Variants in ADGRB3 observed in about 807,000 individuals in gnomAD.
The protein encoded by ADGRB3 is brain-specific angiogenesis inhibitor 3.
Under a neutral mutation model 193.4 loss-of-function variants are expected in ADGRB3, and 37 were observed. The observed-to-expected ratio is 0.19, with a 90% CI of 0.15 to 0.25. ADGRB3 has a LOEUF of 0.25. ADGRB3 is among the 10% of genes least tolerant of loss of function. The probability of loss-of-function intolerance (pLI) is 1.00; values close to 1 mark genes in which losing one functional copy is unlikely to be tolerated. For missense variants in ADGRB3, 1,637 were observed against 1,852.9 expected (o/e 0.88, Z 2.14); for synonymous variants, 690 against 644.2 (o/e 1.07, Z -1.08).
At chr6:69,275,353 G>T (rs1767279984) in intron 20 of ADGRB3, among the ~76,000 whole-genome samples, 1 of 151,474 alleles carries the variant, frequency 6.6e-6, no homozygotes, top group African/African-American at 2.4e-5. Flanking sequence ...AAGATTATTT[G>T]CATTAAAAAA....
intron 10 of ADGRB3, among the ~76,000 whole-genome samples, chr6:68,983,035 TGA>T (rs1469862494): frequency 6.6e-6 from 1 of 152,150 alleles, no homozygotes; most frequent in Non-Finnish European, 1.5e-5. Context: ...GTAATTTATG[TGA>T]GTTTTTCTAG....
chr6:69,298,447 A>G (rs1767876795), intron 20 of ADGRB3, among the ~76,000 whole-genome samples: 2 of 152,086 alleles, frequency 1.3e-5, no homozygotes, highest in African/African-American at 2.4e-5. Flanking sequence ...ATTGTTAACT[A>G]TAATCACTCT....
At chr6:68,765,213 A>C (rs146075351) in intron 3 of ADGRB3, among the ~76,000 whole-genome samples, 3,382 of 152,210 alleles carry the variant, frequency 0.022, 63 homozygotes, top group South Asian at 0.075. Context: ...ATAATGTTGA[A>C]TAGCAAAATC....
chr6:69,065,764 T>TACACACACACACACACAC (rs3043304), intron 16 of ADGRB3, among the ~76,000 whole-genome samples: 8 of 129,204 alleles, frequency 6.2e-5, no homozygotes, highest in South Asian at 4.9e-4. Context: ...TGTATATATA[T>TACACACACACACACACAC]ACACACACAC....
At chr6:68,832,272 C>T (rs1371413299) in intron 3 of ADGRB3, among the ~76,000 whole-genome samples, 1 of 152,048 alleles carries the variant, frequency 6.6e-6, no homozygotes, top group Non-Finnish European at 1.5e-5. Context: ...AATAAATGTG[C>T]TTCTATAAAC....
At chr6:68,649,892 G>A (rs1310104207) in intron 3 of ADGRB3, among the ~76,000 whole-genome samples, 1 of 152,096 alleles carries the variant, frequency 6.6e-6, no homozygotes, top group African/African-American at 2.4e-5. Context: ...TTGATGCTCT[G>A]GTGACCACGC....
chr6:68,827,163 A>G (rs1582234047), intron 3 of ADGRB3, among the ~76,000 whole-genome samples: 1 of 152,268 alleles, frequency 6.6e-6, no homozygotes, highest in East Asian at 1.9e-4. Flanking sequence ...GAAAGCCAGA[A>G]AGGCAGATTG....
intron 3 of ADGRB3, among the ~76,000 whole-genome samples, chr6:68,650,626 G>A (rs1768340239): frequency 6.6e-6 from 1 of 152,028 alleles, no homozygotes; most frequent in Non-Finnish European, 1.5e-5. Context: ...GTTTCATTTT[G>A]CCTGTTGATC....
At chr6:68,717,837 A>T (rs1379353163) in intron 3 of ADGRB3, among the ~76,000 whole-genome samples, 1 of 151,710 alleles carries the variant, frequency 6.6e-6, no homozygotes, top group East Asian at 1.9e-4. Flanking sequence ...TGTGAGGGCA[A>T]GGATGTGAGT....
intron 17 of ADGRB3, among the ~76,000 whole-genome samples, chr6:69,163,172 C>A (rs1468215415): frequency 6.6e-6 from 1 of 151,982 alleles, no homozygotes; most frequent in Non-Finnish European, 1.5e-5. Flanking sequence ...GCAGAGATGC[C>A]CTAACCACTA....
At chr6:68,692,615 A>C (rs1765094104) in intron 3 of ADGRB3, among the ~76,000 whole-genome samples, 1 of 151,838 alleles carries the variant, frequency 6.6e-6, no homozygotes, top group African/African-American at 2.4e-5. Flanking sequence ...TGAAATACAC[A>C]TTTACTAGCA....
intron 17 of ADGRB3, among the ~76,000 whole-genome samples, chr6:69,143,205 G>A (rs912510321): frequency 1.3e-5 from 2 of 151,938 alleles, no homozygotes; most frequent in Admixed American, 1.3e-4. Context: ...CTATTTAGGT[G>A]TTTTGCTCAT....
chr6:69,083,248 A>G (rs775102236), intron 17 of ADGRB3, among the ~76,000 whole-genome samples: 1 of 152,262 alleles, frequency 6.6e-6, no homozygotes, highest in Admixed American at 6.5e-5. Flanking sequence ...TATAATCCTT[A>G]TATTTTCCGC....
intron 17 of ADGRB3, among the ~76,000 whole-genome samples, chr6:69,078,867 T>C (rs1171970602): frequency 6.6e-6 from 1 of 152,130 alleles, no homozygotes; most frequent in African/African-American, 2.4e-5. Flanking sequence ...ATCACTGCAC[T>C]GTTGGTGCCT....
intron 11 of ADGRB3, among the ~76,000 whole-genome samples, chr6:69,011,838 T>A (rs1461932707): frequency 6.6e-6 from 1 of 152,040 alleles, no homozygotes; most frequent in Non-Finnish European, 1.5e-5. Flanking sequence ...CTTAGCTCAC[T>A]GTGCCCCTAC....
At chr6:69,192,760 A>C (rs1167262179) in intron 17 of ADGRB3, among the ~76,000 whole-genome samples, 1 of 152,148 alleles carries the variant, frequency 6.6e-6, no homozygotes, top group Non-Finnish European at 1.5e-5. Flanking sequence ...GTTTTTATTC[A>C]TTAAACATAT....
chr6:68,877,209 A>G (rs1179219276), intron 3 of ADGRB3, among the ~76,000 whole-genome samples: 1 of 152,034 alleles, frequency 6.6e-6, no homozygotes, highest in African/African-American at 2.4e-5. Context: ...GTAAAATTAT[A>G]TGATTGGATT....
intron 20 of ADGRB3, among the ~76,000 whole-genome samples, chr6:69,317,451 A>G (rs139385595): frequency 2.0e-5 from 3 of 151,602 alleles, no homozygotes; most frequent in African/African-American, 4.8e-5. Context: ...CTTCCCTGTG[A>G]CAATGCTGAG....
chr6:69,159,334 T>C (rs1156739138), intron 17 of ADGRB3, among the ~76,000 whole-genome samples: 4 of 152,142 alleles, frequency 2.6e-5, no homozygotes, highest in African/African-American at 7.2e-5. Flanking sequence ...CATACTCTTA[T>C]GTATAAACTA....
Sources: gnomAD v4.1 joint callset for allele counts (sites outside exome capture counted in the v4.1 genomes callset) on GRCh38, gnomAD v4.1.1 for gene constraint, MANE v1.5 for transcripts, NCBI Gene and HGNC (gene_info 2026-07-23, HGNC 2026-07-21) for gene names.